Variants in TRDMT1 observed in about 807,000 individuals in gnomAD.
The protein encoded by TRDMT1 is tRNA aspartic acid methyltransferase 1.
A neutral mutation model predicts 51.2 loss-of-function variants in TRDMT1; 49 were observed. That is an observed-to-expected ratio of 0.96 (90% confidence interval 0.76 to 1.21). The LOEUF is 1.21. TRDMT1 is among the 50% of genes most tolerant of loss of function. The probability of loss-of-function intolerance (pLI) is 0.00; values close to 1 mark genes in which losing one functional copy is unlikely to be tolerated. For missense variants in TRDMT1, 534 were observed against 462.3 expected, an observed-to-expected ratio of 1.16 and a Z score of -1.42; for synonymous variants, 187 against 164.6, an observed-to-expected ratio of 1.14 and a Z score of -1.04.
Position 17,148,376 on chromosome 10 carries a change from T to C in TRDMT1, c.*664A>G, listed in dbSNP as rs1838298458. 2 of 985,390 alleles carry C rather than the reference T, an allele frequency of 2.0e-6. No individual in the cohort carries two copies. The highest frequency in any genetic ancestry group is 2.4e-6 in the Non-Finnish European group (2 of 829,924). The allele number at this position is 985,390 out of a possible 1,614,324, so 61.0% of individuals were successfully genotyped here. The stretch of plus-strand genomic sequence containing the variant: ...CAACTAAAGGAAAGTACATACAAAA[T>C]GAAGAAGGAAAAATGAGTTTTGTCC... On this transcript the variant is annotated 3_prime_UTR_variant, in exon 11 of 11. Coordinates refer to ENST00000377799, the MANE Select transcript of TRDMT1 (RefSeq NM_004412.7).
chr10:17,173,485 G>A (rs1157056175), intron 2 of TRDMT1, among the ~76,000 whole-genome samples: 1 of 152,110 alleles, frequency 6.6e-6, no homozygotes, highest in East Asian at 1.9e-4. Context: ...TACTAGGAAG[G>A]GAAAACTTAA....
rs143525234 is a variant in TRDMT1 at position 17,174,266 on chromosome 10, G to A, written c.174+285C>T. Among the ~76,000 whole-genome samples the A allele has an allele frequency of 5.1e-3, 775 of 152,170 alleles. 6 individuals are homozygous for A. The highest frequency in any genetic ancestry group is 0.017 in the African/African-American group (721 of 41,514). On this transcript the variant is annotated intron_variant, in intron 2 of 10. Coordinates refer to ENST00000377799, the MANE Select transcript of TRDMT1 (RefSeq NM_004412.7). ...TAATAAAAGTAAATACTTTTTCGAA[G>A]TTCAATATCACCACAGAACCAAGCA...
intron 1 of TRDMT1, among the ~76,000 whole-genome samples, chr10:17,189,454 G>A (rs1338466146): frequency 1.3e-5 from 2 of 152,108 alleles, no homozygotes. Flanking sequence ...CATTCTGACA[G>A]TTCAAAATTA....
intron 2 of TRDMT1, among the ~76,000 whole-genome samples, chr10:17,169,132 C>G (rs1393384357): frequency 6.6e-6 from 1 of 152,136 alleles, no homozygotes; most frequent in African/African-American, 2.4e-5. Context: ...GTGACTTCCC[C>G]CAAGGTCCCA....
At chr10:17,155,315 CTTTTTA>C (rs1002689700) in intron 8 of TRDMT1, among the ~76,000 whole-genome samples, 4 of 152,150 alleles carry the variant, frequency 2.6e-5, no homozygotes, top group African/African-American at 9.7e-5. Context: ...ATTGTCATTT[CTTTTTA>C]TTAATTGTCT....
chr10:17,145,383 T>C lies in TRDMT1; in HGVS notation c.*3657A>G, dbSNP rs1838020479. 1 of 985,280 alleles carries C rather than the reference T, an allele frequency of 1.0e-6. No individual in the cohort carries two copies. The highest frequency in any genetic ancestry group is 6.2e-5 in the Admixed American group (1 of 16,244). 61.0% of individuals were successfully genotyped at this position (985,280 alleles called of 1,614,324 possible). ...GCTTGCTAAGAAGCTGATATGATAGTTGTATATAGCACATTTGAATGGTAG... is the reference window on the plus strand; with the variant it reads ...GCTTGCTAAGAAGCTGATATGATAGCTGTATATAGCACATTTGAATGGTAG... On this transcript the variant is annotated 3_prime_UTR_variant, in exon 11 of 11. Coordinates refer to ENST00000377799, the MANE Select transcript of TRDMT1 (RefSeq NM_004412.7).
At position 17,153,142 on chromosome 10, in the gene TRDMT1, C is replaced by A. The variant is rs144500564; in HGVS notation, c.1075+365G>T. Reference sequence around the variant, plus strand: ...TTATAAAAAGCCAATCGAAAGCATTCTTTCACAAGCTCTAGTGTGGGGTGA... The same window carrying A: ...TTATAAAAAGCCAATCGAAAGCATTATTTCACAAGCTCTAGTGTGGGGTGA... On this transcript the variant is annotated intron_variant, in intron 10 of 10. Coordinates refer to ENST00000377799, the MANE Select transcript of TRDMT1 (RefSeq NM_004412.7). 36 of 344,134 alleles carry A rather than the reference C, an allele frequency of 1.0e-4. No individual in the cohort carries two copies. In the Admixed American group the frequency reaches 1.1e-3, roughly 10 times the overall value. 21.3% of individuals were successfully genotyped at this position (344,134 alleles called of 1,614,324 possible).
Position 17,148,654 on chromosome 10 carries a change from A to T in TRDMT1, c.*386T>A, listed in dbSNP as rs1021342616. ...ATTAGAATCATTATTTTAAAATTAG[A>T]AATAAAAAACTTCTTTAATTAACAT... On this transcript the variant is annotated 3_prime_UTR_variant, in exon 11 of 11. Transcript: ENST00000377799. 1 of 967,450 alleles carries T rather than the reference A, an allele frequency of 1.0e-6. No homozygotes were observed. The highest frequency in any genetic ancestry group is 6.3e-5 in the Admixed American group (1 of 15,866). 59.9% of individuals were successfully genotyped at this position (967,450 alleles called of 1,614,324 possible).
At chr10:17,169,806 T>G (rs1411768923) in intron 2 of TRDMT1, among the ~76,000 whole-genome samples, 1 of 152,192 alleles carries the variant, frequency 6.6e-6, no homozygotes, top group East Asian at 1.9e-4. Flanking sequence ...TGTCTATCAG[T>G]TTTTGATCAT....
chr10:17,159,247 C>A lies in TRDMT1; in HGVS notation c.460-18G>T. 1 of 1,563,548 alleles carries A rather than the reference C, an allele frequency of 6.4e-7. No individual in the cohort carries two copies. The highest frequency in any genetic ancestry group is 8.7e-7 in the Non-Finnish European group (1 of 1,154,278). ...ATGCCAAGCTGTAAGCAAAGCAAAG[C>A]AGTTAGTTACTCTAAAAAATTAAAG... On this transcript the variant is annotated intron_variant, in intron 6 of 10. Coordinates refer to ENST00000377799, the MANE Select transcript of TRDMT1 (RefSeq NM_004412.7).
intron 1 of TRDMT1, 90 bp downstream of exon 1, chr10:17,201,481 T>TCCGCCCCGA: frequency 2.9e-6 from 4 of 1,373,272 alleles, no homozygotes; most frequent in Non-Finnish European, 4.0e-6. Context: ...GTCCGCCCCT[T>TCCGCCCCGA]GCGTCTCGCC....
At position 17,148,847 on chromosome 10, in the gene TRDMT1, G is replaced by C; in HGVS notation, c.*193C>G. The C allele has an allele frequency of 8.5e-7, 1 of 1,178,752 alleles. No individual in the cohort carries two copies. The highest frequency in any genetic ancestry group is 1.6e-5 in the African/African-American group (1 of 63,524). 73.0% of individuals were successfully genotyped at this position (1,178,752 alleles called of 1,614,324 possible). On this transcript the variant is annotated 3_prime_UTR_variant, in exon 11 of 11. Coordinates refer to ENST00000377799, the MANE Select transcript of TRDMT1 (RefSeq NM_004412.7). ...TCTCCATAAAGCATAACAATAGTTCGTATTTTATAAAATACAGTAATATAA... is the reference window on the plus strand; with the variant it reads ...TCTCCATAAAGCATAACAATAGTTCCTATTTTATAAAATACAGTAATATAA...
intron 1 of TRDMT1, among the ~76,000 whole-genome samples, chr10:17,191,364 A>T (rs999405736): frequency 1.1e-4 from 16 of 152,218 alleles, no homozygotes; most frequent in African/African-American, 3.9e-4. Context: ...GAGCAGAAGC[A>T]AGATCAGTAA....
At chr10:17,158,842 G>A (rs901118329) in intron 7 of TRDMT1, among the ~76,000 whole-genome samples, 1 of 151,988 alleles carries the variant, frequency 6.6e-6, no homozygotes, top group Non-Finnish European at 1.5e-5. Context: ...AATAGTCAAC[G>A]GTCAAAAGGG....
chr10:17,180,232 C>T (rs757946327), intron 1 of TRDMT1, among the ~76,000 whole-genome samples: 5 of 152,100 alleles, frequency 3.3e-5, no homozygotes, highest in African/African-American at 9.7e-5. Flanking sequence ...AAGTGAACTA[C>T]GACAAACAAT....
chr10:17,178,904 C>T (rs943835329), intron 1 of TRDMT1, among the ~76,000 whole-genome samples: 2 of 151,998 alleles, frequency 1.3e-5, no homozygotes, highest in African/African-American at 4.8e-5. Context: ...AGCCAAAATA[C>T]GGATAGGAAC....
intron 2 of TRDMT1, among the ~76,000 whole-genome samples, chr10:17,170,321 G>C (rs1306181046): frequency 6.6e-6 from 1 of 152,082 alleles, no homozygotes; most frequent in Admixed American, 6.5e-5. Flanking sequence ...AGTGTATTTG[G>C]ATTAAATAAA....
At chr10:17,187,044 T>A (rs1844030175) in intron 1 of TRDMT1, among the ~76,000 whole-genome samples, 1 of 152,222 alleles carries the variant, frequency 6.6e-6, no homozygotes, top group Non-Finnish European at 1.5e-5. Flanking sequence ...GTGAGTTTTT[T>A]AAATTTTCTT....
intron 3 of TRDMT1, among the ~76,000 whole-genome samples, chr10:17,165,529 T>C (rs1841070720): frequency 6.6e-6 from 1 of 152,108 alleles, no homozygotes; most frequent in South Asian, 2.1e-4. Context: ...GGGATCTAAT[T>C]AAACTAAAGA....
Sources: gnomAD v4.1 joint callset for allele counts (sites outside exome capture counted in the v4.1 genomes callset) on GRCh38, gnomAD v4.1.1 for gene constraint, MANE v1.5 for transcripts, NCBI Gene and HGNC (gene_info 2026-07-23, HGNC 2026-07-21) for gene names.